Variants in HDAC9 observed in about 807,000 individuals in gnomAD.
HDAC9 encodes the protein MEF-2 interacting transcription repressor (MITR) protein.
In HDAC9, 41 loss-of-function variants were observed where a neutral mutation model predicts 139.4. The observed-to-expected ratio is 0.29, with a 90% CI of 0.23 to 0.38. HDAC9 has a LOEUF of 0.38. Ranked by LOEUF, HDAC9 falls within the 10% of genes least tolerant of loss-of-function variation. The pLI is 1.00. For missense variants in HDAC9, 1,147 were observed against 1,297.0 expected (o/e 0.88, Z 1.78); for synonymous variants, 517 against 476.2 (o/e 1.09, Z -1.12).
At chr7:18,099,680 T>C (rs1193830634) in intron 1 of HDAC9, among the ~76,000 whole-genome samples, 1 of 152,204 alleles carries the variant, frequency 6.6e-6, no homozygotes, top group Non-Finnish European at 1.5e-5. Flanking sequence ...AATGGAATAG[T>C]ATTTCAGAAT....
chr7:18,643,046 T>C (rs527559958), intron 8 of HDAC9, among the ~76,000 whole-genome samples: 2 of 152,286 alleles, frequency 1.3e-5, no homozygotes, highest in South Asian at 2.1e-4. Context: ...CATATCCTTT[T>C]ATTTTAAATT....
intron 12 of HDAC9, among the ~76,000 whole-genome samples, chr7:18,696,170 A>G (rs1194708583): frequency 6.6e-6 from 1 of 151,982 alleles, no homozygotes; most frequent in Non-Finnish European, 1.5e-5. Flanking sequence ...ACATTTATAT[A>G]GTATTCCAAA....
intron 12 of HDAC9, among the ~76,000 whole-genome samples, chr7:18,681,987 C>T (rs963912410): frequency 1.3e-5 from 2 of 151,876 alleles, no homozygotes; most frequent in Non-Finnish European, 2.9e-5. Flanking sequence ...ATAAACTTTG[C>T]AAGAAAAGCC....
intron 2 of HDAC9, among the ~76,000 whole-genome samples, chr7:18,235,474 G>A (rs1050345762): frequency 2.8e-4 from 43 of 152,246 alleles, no homozygotes; most frequent in South Asian, 8.3e-4. Context: ...AGTTGGGTCC[G>A]GTTCCCCACT....
At chr7:18,192,643 T>A (rs905259807) in intron 2 of HDAC9, among the ~76,000 whole-genome samples, 1 of 152,224 alleles carries the variant, frequency 6.6e-6, no homozygotes, top group Non-Finnish European at 1.5e-5. Flanking sequence ...AGAATGTTTC[T>A]AAGTAAAATC....
chr7:18,775,088 G>C (rs1439671326), intron 16 of HDAC9, among the ~76,000 whole-genome samples: 1 of 152,002 alleles, frequency 6.6e-6, no homozygotes, highest in African/African-American at 2.4e-5. Flanking sequence ...AGACTGATCG[G>C]TGGAGCAGAA....
chr7:18,777,723 G>C (rs2129168971), intron 16 of HDAC9, among the ~76,000 whole-genome samples: 1 of 151,954 alleles, frequency 6.6e-6, no homozygotes, highest in South Asian at 2.1e-4. Context: ...TCTCGACTTT[G>C]ACCCCAGTGG....
intron 1 of HDAC9, among the ~76,000 whole-genome samples, chr7:18,339,740 G>A (rs969498296): frequency 6.6e-6 from 1 of 151,254 alleles, no homozygotes; most frequent in Non-Finnish European, 1.5e-5. Flanking sequence ...TTCTACTGGG[G>A]ATTAAAAACA....
intron 1 of HDAC9, among the ~76,000 whole-genome samples, chr7:18,399,401 T>C (rs549939331): frequency 2.0e-5 from 3 of 152,274 alleles, no homozygotes; most frequent in South Asian, 4.1e-4. Context: ...TTCTGTGTTA[T>C]AAAAGGTACG....
intron 1 of HDAC9, among the ~76,000 whole-genome samples, chr7:18,458,665 C>A (rs969504618): frequency 3.3e-5 from 5 of 152,184 alleles, no homozygotes; most frequent in Non-Finnish European, 5.9e-5. Flanking sequence ...TAATATCTTG[C>A]TATCAAAACT....
At chr7:18,940,993 G>A (rs907538519) in intron 23 of HDAC9, among the ~76,000 whole-genome samples, 3 of 152,060 alleles carry the variant, frequency 2.0e-5, no homozygotes, top group African/African-American at 7.2e-5. Context: ...TTCTAAGCTT[G>A]TTAGAGGAAA....
chr7:18,559,503 C>A (rs1436114800), intron 2 of HDAC9, among the ~76,000 whole-genome samples: 1 of 152,170 alleles, frequency 6.6e-6, no homozygotes, highest in Non-Finnish European at 1.5e-5. Flanking sequence ...AAGCCTGAAC[C>A]ATCCCTGAGG....
At position 18,181,892 on chromosome 7, in the gene HDAC9, G is replaced by T. The variant is rs1408802726; in HGVS notation, c.25+19543G>T. Among the ~76,000 whole-genome samples the T allele has an allele frequency of 2.6e-5, 4 of 152,136 alleles. No individual in the cohort carries two copies. The East Asian group carries it at 7.7e-4, about 29-fold the overall frequency. ...GTCAAAATACTGTAAGTTTTCTCAGGATATATAGAAACAAAATAGTTTGGA... is the reference window on the plus strand; with the variant it reads ...GTCAAAATACTGTAAGTTTTCTCAGTATATATAGAAACAAAATAGTTTGGA... On this transcript the variant is annotated intron_variant, in intron 2 of 12. Transcript: ENST00000417496.
At chr7:18,896,099 T>C (rs2129275332) in intron 22 of HDAC9, among the ~76,000 whole-genome samples, 1 of 152,164 alleles carries the variant, frequency 6.6e-6, no homozygotes, top group African/African-American at 2.4e-5. Flanking sequence ...ATTCCAAGTG[T>C]TATTTATGAA....
intron 1 of HDAC9, among the ~76,000 whole-genome samples, chr7:18,140,017 T>G (rs1785773298): frequency 6.6e-6 from 1 of 152,184 alleles, no homozygotes; most frequent in Non-Finnish European, 1.5e-5. Flanking sequence ...GTTGTGGTCA[T>G]TTGTTATGGC....
At chr7:18,330,271 C>T (rs886938137) in intron 1 of HDAC9, among the ~76,000 whole-genome samples, 1 of 151,378 alleles carries the variant, frequency 6.6e-6, no homozygotes, top group Non-Finnish European at 1.5e-5. Context: ...GGTGTGGGGA[C>T]ACTTGGGGTG....
At chr7:18,429,058 C>A (rs1472109915) in intron 1 of HDAC9, 1 of 152,184 alleles carries the variant, frequency 6.6e-6, no homozygotes, top group Non-Finnish European at 1.5e-5. Flanking sequence ...CCTACGGCAC[C>A]CTCCTTTTCC....
chr7:18,405,759 T>A (rs538008881), intron 1 of HDAC9, among the ~76,000 whole-genome samples: 3 of 152,366 alleles, frequency 2.0e-5, no homozygotes, highest in African/African-American at 4.8e-5. Flanking sequence ...ATAGTTCAAG[T>A]TCAGATAATA....
intron 2 of HDAC9, among the ~76,000 whole-genome samples, chr7:18,511,881 C>A (rs1206281381): frequency 6.6e-6 from 1 of 152,004 alleles, no homozygotes; most frequent in Non-Finnish European, 1.5e-5. Context: ...TTTCTGACTA[C>A]TGTTGGATTC....
Sources: allele counts gnomAD v4.1 joint callset (sites outside exome capture counted in the v4.1 genomes callset), GRCh38; gene constraint gnomAD v4.1.1; transcripts MANE v1.5; gene names NCBI Gene and HGNC (gene_info 2026-07-23, HGNC 2026-07-21).